The following COX4I2 variants were observed in gnomAD, a reference collection of about 807,000 sequenced individuals.
COX4I2 encodes cytochrome c oxidase subunit 4 isoform 2, mitochondrial.
In COX4I2, 15 loss-of-function variants were observed where a neutral mutation model predicts 20.8. The observed-to-expected ratio is 0.72, with a 90% CI of 0.48 to 1.11. The LOEUF (loss-of-function observed/expected upper bound fraction) is 1.11, where lower values mean the gene tolerates loss of function less well. COX4I2 is among the 50% of genes most tolerant of loss of function. The pLI is 0.00. For synonymous variants in COX4I2, 80 were observed against 78.1 expected (o/e 1.02, Z -0.13); for missense variants, 224 against 223.0 (o/e 1.00, Z -0.03).
At chr20:31,643,341 G>A in intron 3 of COX4I2, 63 bp from the exon 4 acceptor site, 3 of 1,603,804 alleles carry the variant, frequency 1.9e-6, no homozygotes, top group East Asian at 2.2e-5. Flanking sequence ...CAGGGAGGGG[G>A]AAGCCGGGAT....
intron 2 of COX4I2, 139 bp from the exon 3 acceptor site, chr20:31,639,794 G>T (rs1354007397): frequency 4.6e-6 from 4 of 878,024 alleles, no homozygotes; most frequent in Non-Finnish European, 7.2e-6. Flanking sequence ...CTGACCTCGT[G>T]ATCCACCCGC....
Position 31,639,110 on chromosome 20 carries a change from G to A in COX4I2, c.82+11G>A. 6.2e-7 allele frequency: 1 copy of A among 1,603,344 alleles called. No individual in the cohort carries two copies. Among genetic ancestry groups the A allele is most frequent in the Non-Finnish European group, 8.5e-7 (1 of 1,175,070 alleles). On this transcript the variant is annotated intron_variant, in intron 2 of 4. Transcript: ENST00000376075. ...GCTCAGAAGGCACCAGTGAGACCTG[G>A]ACTCCTTCCTCCCTGCCTAACTCCA...
chr20:31,639,558 CTTT>C (rs770616004), intron 2 of COX4I2, among the ~76,000 whole-genome samples: 8 of 133,076 alleles, frequency 6.0e-5, no homozygotes, highest in African/African-American at 8.8e-5. Flanking sequence ...TATAAACCTC[CTTT>C]TTTTTTTTTT....
Position 31,639,051 on chromosome 20 carries a change from A to C in COX4I2, c.34A>C (p.Arg12=). The C allele has an allele frequency of 1.2e-6, 2 of 1,612,764 alleles. No homozygotes were observed. Among genetic ancestry groups the C allele is most frequent in the Non-Finnish European group, 1.7e-6 (2 of 1,179,590 alleles). Residue 12 remains arginine, a synonymous_variant, in exon 2 of 5, where the codon AGG becomes CGG. Transcript: ENST00000376075. ...LPRAAWSLVL[R]KGGGGRRGMH... Reference sequence around the variant, plus strand: ...CAGAGCTGCCTGGAGCTTGGTGCTGAGGAAAGGTGGAGGTGGAAGACGAGG... The same window carrying C: ...CAGAGCTGCCTGGAGCTTGGTGCTGCGGAAAGGTGGAGGTGGAAGACGAGG...
intron 2 of COX4I2, chr20:31,639,302 C>G: frequency 1.0e-6 from 1 of 985,030 alleles, no homozygotes; most frequent in Non-Finnish European, 1.2e-6. Flanking sequence ...GTGGTCATCT[C>G]CATTCCAAGC....
In COX4I2 at chr20:31,644,962, C is replaced by T; in HGVS notation, c.*58C>T. On this transcript the variant is annotated 3_prime_UTR_variant, in exon 5 of 5. Coordinates refer to ENST00000376075, the MANE Select transcript of COX4I2 (RefSeq NM_032609.3). ...CCCTGGCTGGGAGCCTCTGGCGGCC[C>T]CTCCCCTCCCCTGCCCTTAACCCCA... The T allele has an allele frequency of 6.3e-7, 1 of 1,586,504 alleles. No homozygotes were observed. Among genetic ancestry groups the T allele is most frequent in the Non-Finnish European group, 8.6e-7 (1 of 1,164,514 alleles).
rs954037199 is a variant in COX4I2 at position 31,639,101 on chromosome 20, T to G, written c.82+2T>G. 13 of 1,607,892 alleles carry G rather than the reference T, an allele frequency of 8.1e-6. No homozygotes were observed. The highest frequency in any genetic ancestry group is 1.7e-5 in the Admixed American group (1 of 59,152). The stretch of plus-strand genomic sequence containing the variant: ...GGATGCACAGCTCAGAAGGCACCAG[T>G]GAGACCTGGACTCCTTCCTCCCTGC... On this transcript the variant is annotated splice_donor_variant, in intron 2 of 4. Transcript: ENST00000376075. LOFTEE classifies it high-confidence loss of function.
chr20:31,640,994 C>CACACAT (rs1491240601), intron 3 of COX4I2, among the ~76,000 whole-genome samples: 2 of 145,584 alleles, frequency 1.4e-5, no homozygotes, highest in Admixed American at 6.9e-5. Context: ...CACACACACA[C>CACACAT]ATCTTGGTTT....
rs1288888617 is a variant in COX4I2 at position 31,643,556 on chromosome 20, T to G, written c.379+21T>G. On this transcript the variant is annotated intron_variant, in intron 4 of 4. Coordinates refer to ENST00000376075, the MANE Select transcript of COX4I2 (RefSeq NM_032609.3). ...CTACGGTGAGTGGCAACACCTCATC[T>G]GGCTGCAGTCCTGGGCCATGCCCTT... 3 of 1,613,980 alleles carry G rather than the reference T, an allele frequency of 1.9e-6. No homozygotes were observed. In the South Asian group the frequency reaches 3.3e-5, roughly 18 times the overall value.
In COX4I2 at chr20:31,640,052, G is replaced by A. The variant is rs1161174714; in HGVS notation, c.202G>A (p.Glu68Lys). 2 of 1,613,658 alleles carry A rather than the reference G, an allele frequency of 1.2e-6. No homozygotes were observed. The highest frequency in any genetic ancestry group is 2.2e-5 in the East Asian group (1 of 44,876). ...NAEEQALKEK[E>K]KGSWTQLTHA... Reference sequence around the variant, plus strand: ...TGAGGAGCAGGCCCTGAAGGAGAAGGAGAAGGGAAGCTGGACCCAGCTGAC... The same window carrying A: ...TGAGGAGCAGGCCCTGAAGGAGAAGAAGAAGGGAAGCTGGACCCAGCTGAC... Residue 68 changes from glutamate (E) to lysine (K), a missense_variant, in exon 3 of 5, where the codon GAG (glutamate) becomes AAG (lysine). Transcript: ENST00000376075.
chr20:31,644,455 T>A (rs1183633312), intron 4 of COX4I2, among the ~76,000 whole-genome samples: 1 of 152,124 alleles, frequency 6.6e-6, no homozygotes, highest in African/African-American at 2.4e-5. Context: ...ATCAGTGATC[T>A]TATTACCACA....
chr20:31,642,203 C>T (rs1160713115), intron 3 of COX4I2, among the ~76,000 whole-genome samples: 3 of 152,048 alleles, frequency 2.0e-5, no homozygotes, highest in African/African-American at 7.2e-5. Context: ...GGCGTGGCAG[C>T]ACTGGAGTGC....
chr20:31,638,111 T>C (rs1308709878), intron 1 of COX4I2, 149 bp downstream of exon 1: 3 of 152,144 alleles, frequency 2.0e-5, no homozygotes, highest in African/African-American at 7.2e-5. Flanking sequence ...TGAAGACTCC[T>C]GGGGAGTCTG....
At position 31,639,017 on chromosome 20, in the gene COX4I2, G is replaced by T; in HGVS notation, c.1-1G>T. Reference sequence around the variant, plus strand: ...ACTCATCTATACCTTCACGCCCCCAGATGCTCCCCAGAGCTGCCTGGAGCT... The same window carrying T: ...ACTCATCTATACCTTCACGCCCCCATATGCTCCCCAGAGCTGCCTGGAGCT... On this transcript the variant is annotated splice_acceptor_variant, in intron 1 of 4. Coordinates refer to ENST00000376075, the MANE Select transcript of COX4I2 (RefSeq NM_032609.3). LOFTEE classifies it low-confidence loss of function (5UTR_SPLICE). 1 of 1,609,840 alleles carries T rather than the reference G, an allele frequency of 6.2e-7. No individual in the cohort carries two copies. Among genetic ancestry groups the T allele is most frequent in the South Asian group, 1.1e-5 (1 of 89,694 alleles).
At chr20:31,638,529 A>G (rs922393600) in intron 1 of COX4I2, among the ~76,000 whole-genome samples, 1 of 150,670 alleles carries the variant, frequency 6.6e-6, no homozygotes, top group African/African-American at 2.4e-5. Flanking sequence ...TAGGCAGCCA[A>G]TTAGGGGGGA....
intron 3 of COX4I2, among the ~76,000 whole-genome samples, chr20:31,642,086 C>A (rs1406011036): frequency 1.3e-5 from 2 of 152,172 alleles, no homozygotes; most frequent in Non-Finnish European, 2.9e-5. Flanking sequence ...CTCCTGGGCT[C>A]AAGCAATTCT....
At chr20:31,639,901 C>T in intron 2 of COX4I2, 32 bp from the exon 3 acceptor site, 1 of 1,613,462 alleles carries the variant, frequency 6.2e-7, no homozygotes, top group Non-Finnish European at 8.5e-7. Flanking sequence ...CCAAGGGCAG[C>T]CTGGACTCAG....
intron 1 of COX4I2, among the ~76,000 whole-genome samples, chr20:31,638,484 C>CT (rs1313033185): frequency 3.3e-5 from 5 of 150,788 alleles, no homozygotes; most frequent in South Asian, 2.1e-4. Flanking sequence ...AGTCCCCACC[C>CT]CAACCAGATC....
chr20:31,644,877 C>T lies in COX4I2; in HGVS notation c.489C>T (p.Asp163=). 1 of 1,614,086 alleles carries T rather than the reference C, an allele frequency of 6.2e-7. No individual in the cohort carries two copies. The highest frequency in any genetic ancestry group is 8.5e-7 in the Non-Finnish European group (1 of 1,179,988). The part of the protein sequence containing the change: ...NPVQGLASRW[D]YEKKQWKK ...TGCAGGGCCTGGCCTCCCGCTGGGACTATGAGAAGAAGCAGTGGAAGAAGT... is the reference window on the plus strand; with the variant it reads ...TGCAGGGCCTGGCCTCCCGCTGGGATTATGAGAAGAAGCAGTGGAAGAAGT... Residue 163 remains aspartate (D), a synonymous_variant, in exon 5 of 5, where the codon GAC becomes GAT. Coordinates refer to ENST00000376075, the MANE Select transcript of COX4I2 (RefSeq NM_032609.3).
Sources: allele counts gnomAD v4.1 joint callset (sites outside exome capture counted in the v4.1 genomes callset), GRCh38; gene constraint gnomAD v4.1.1; transcripts MANE v1.5; gene names NCBI Gene and HGNC (gene_info 2026-07-23, HGNC 2026-07-21).